Variants in MKKS observed in about 807,000 individuals in gnomAD.
The protein encoded by MKKS is molecular chaperone MKKS.
In MKKS, 29 loss-of-function variants were observed where a neutral mutation model predicts 33.2. The observed-to-expected ratio is 0.87, with a 90% CI of 0.65 to 1.19. The LOEUF (loss-of-function observed/expected upper bound fraction) is 1.19, where lower values mean the gene tolerates loss of function less well. MKKS is among the 50% of genes most tolerant of loss of function. The pLI is 0.00. For synonymous variants in MKKS, 260 were observed against 244.0 expected, an observed-to-expected ratio of 1.07 and a Z score of -0.61; for missense variants, 661 against 662.3, an observed-to-expected ratio of 1.00 and a Z score of 0.02.
At chr20:10,405,716 C>T in intron 5 of MKKS, 29 bp from the exon 6 acceptor site, 3 of 1,527,968 alleles carry the variant, frequency 2.0e-6, no homozygotes, top group Non-Finnish European at 2.7e-6. Flanking sequence ...ATTGAAAACA[C>T]ATACAAAGCA....
intron 1 of MKKS, among the ~76,000 whole-genome samples, chr20:10,426,242 T>G (rs2065013707): frequency 6.6e-6 from 1 of 152,246 alleles, no homozygotes; most frequent in South Asian, 2.1e-4. Context: ...CCTAGTACTC[T>G]ACTAAGCAAT....
Position 10,412,724 on chromosome 20 carries a change from T to C in MKKS, c.791A>G (p.Tyr264Cys). ...DTGEGTVVVS[Y>C]GVSLENAVLD... Reference sequence around the variant, plus strand: ...GACTGCATTTTCAAGAGAAACCCCATAACTGACCACCACAGTTCCTTCTCC... The same window carrying C: ...GACTGCATTTTCAAGAGAAACCCCACAACTGACCACCACAGTTCCTTCTCC... The change falls in exon 3 of 6, where the codon TAT becomes TGT. Residue 264 changes from tyrosine (Y) to cysteine (C), a missense_variant. Tyr to Cys is a radical substitution (Grantham distance 194). Coordinates refer to ENST00000347364, the MANE Select transcript of MKKS (RefSeq NM_170784.3). 3.7e-6 allele frequency: 6 copies of C among 1,614,170 alleles called. No homozygotes were observed. Among genetic ancestry groups the C allele is most frequent in the South Asian group, 1.1e-5 (1 of 91,090 alleles).
chr20:10,432,129 C>A (rs977470538), intron 1 of MKKS, among the ~76,000 whole-genome samples: 4 of 152,208 alleles, frequency 2.6e-5, no homozygotes, highest in African/African-American at 9.6e-5. Flanking sequence ...TCCAGGGAAA[C>A]AGACATCTAA....
intron 2 of MKKS, among the ~76,000 whole-genome samples, 181 bp from the exon 3 acceptor site, chr20:10,414,112 A>G (rs1214776126): frequency 6.6e-6 from 1 of 152,178 alleles, no homozygotes; most frequent in Non-Finnish European, 1.5e-5. Context: ...TTATTCTTCA[A>G]TAAATCCCCT....
At chr20:10,422,542 A>G (rs1424037169) in intron 1 of MKKS, among the ~76,000 whole-genome samples, 2 of 152,190 alleles carry the variant, frequency 1.3e-5, no homozygotes, top group African/African-American at 4.8e-5. Flanking sequence ...TAGGAGGGAC[A>G]GAGGCTGCAC....
chr20:10,406,576 C>T (rs1452525509), intron 5 of MKKS, among the ~76,000 whole-genome samples: 1 of 152,126 alleles, frequency 6.6e-6, no homozygotes, highest in Non-Finnish European at 1.5e-5. Flanking sequence ...ATATTGTTTG[C>T]ACAACAATAT....
Position 10,415,762 on chromosome 20 carries a change from T to C in MKKS, c.-417-1831A>G, listed in dbSNP as rs551279637. On this transcript the variant is annotated intron_variant, in intron 2 of 5. Coordinates refer to ENST00000347364, the MANE Select transcript of MKKS (RefSeq NM_170784.3). ...TAGTTAGAACATTTTCAATACTTAATAGTGTCATGTAACTTTTCAAAAACA... is the reference window on the plus strand; with the variant it reads ...TAGTTAGAACATTTTCAATACTTAACAGTGTCATGTAACTTTTCAAAAACA... Among the ~76,000 whole-genome samples, 20 of 152,342 alleles carry C rather than the reference T, an allele frequency of 1.3e-4. No homozygotes were observed. The Middle Eastern group carries it at 0.014, about 104-fold the overall frequency.
chr20:10,424,005 G>A (rs2064998194), intron 1 of MKKS, among the ~76,000 whole-genome samples: 1 of 152,180 alleles, frequency 6.6e-6, no homozygotes, highest in South Asian at 2.1e-4. Flanking sequence ...GAGAGAGCAA[G>A]TAACTATTTT....
At chr20:10,424,211 T>G (rs2064999463) in intron 1 of MKKS, among the ~76,000 whole-genome samples, 1 of 151,942 alleles carries the variant, frequency 6.6e-6, no homozygotes, top group Non-Finnish European at 1.5e-5. Flanking sequence ...CATTGGCATA[T>G]AATGAGACCT....
intron 1 of MKKS, among the ~76,000 whole-genome samples, chr20:10,425,122 C>G (rs1487137328): frequency 6.0e-5 from 9 of 150,422 alleles, no homozygotes; most frequent in Admixed American, 3.3e-4. Flanking sequence ...TATAGTATAA[C>G]CTTACTTTTT....
chr20:10,405,098 TCCTAAATAAG>T lies in MKKS; in HGVS notation c.*139_*148del. The T allele has an allele frequency of 1.7e-6, 1 of 586,234 alleles. No individual in the cohort carries two copies. The highest frequency in any genetic ancestry group is 2.9e-6 in the Non-Finnish European group (1 of 346,130). The allele number at this position is 586,234 out of a possible 1,614,324, so 36.3% of individuals were successfully genotyped here. On this transcript the variant is annotated 3_prime_UTR_variant, in exon 6 of 6. Transcript: ENST00000347364. ...ATTTCCATTCACGAATCACCTTTTT[TCCTAAATAAG>T]TGTATCTATAATTTTATGAGTCATT...
At chr20:10,417,602 C>T (rs1289913266) in intron 2 of MKKS, among the ~76,000 whole-genome samples, 2 of 151,976 alleles carry the variant, frequency 1.3e-5, no homozygotes, top group African/African-American at 4.8e-5. Flanking sequence ...AAATCAAGGC[C>T]TGTGCCCAAG....
rs1266122777 is a variant in MKKS at position 10,404,230 on chromosome 20, AC to A, written c.*1016del. On this transcript the variant is annotated 3_prime_UTR_variant, in exon 6 of 6. Transcript: ENST00000347364. ...GGAGATTTTCTACTTTCTTTTTCAT[AC>A]TATTGACTAGAGAAATAACTTCCCC... 6.6e-6 allele frequency: 1 copy of A among 151,188 alleles called. No homozygotes were observed. The highest frequency in any genetic ancestry group is 2.1e-4 in the South Asian group (1 of 4,730). The allele number at this position is 151,188 out of a possible 1,614,324, so 9.4% of individuals were successfully genotyped here.
At position 10,401,072 on chromosome 20, in the gene MKKS, A is replaced by G. The variant is rs780400995; in HGVS notation, c.*4175T>C. The G allele has an allele frequency of 6.6e-6, 1 of 152,134 alleles. No individual in the cohort carries two copies. The highest frequency in any genetic ancestry group is 2.4e-5 in the African/African-American group (1 of 41,430). 9.4% of individuals were successfully genotyped at this position (152,134 alleles called of 1,614,324 possible). A position where few individuals can be genotyped will look rare whatever the true frequency, so the allele number is the denominator to read the frequency against. On this transcript the variant is annotated 3_prime_UTR_variant, in exon 6 of 6. Coordinates refer to ENST00000347364, the MANE Select transcript of MKKS (RefSeq NM_170784.3). ...TCTCAAAGAGAATTTTTAATAGGAG[A>G]TTGTCAAGCTGTTTTATTTCCCTCT... is the stretch of plus-strand genomic sequence containing the variant.
chr20:10,407,731 GA>G lies in MKKS; in HGVS notation c.1162-6del. On this transcript the variant is annotated splice_polypyrimidine_tract_variant and splice_region_variant and intron_variant, in intron 4 of 5. Coordinates refer to ENST00000347364, the MANE Select transcript of MKKS (RefSeq NM_170784.3). ...CAGTGCCGTCTGACACGTGAGCTAA[GA>G]AAAAACCCAAATCATCAGAATCAGA... The G allele has an allele frequency of 6.2e-7, 1 of 1,608,440 alleles. No homozygotes were observed. The highest frequency in any genetic ancestry group is 8.5e-7 in the Non-Finnish European group (1 of 1,175,430).
At chr20:10,407,530 A>C in intron 5 of MKKS, 86 bp downstream of exon 5, 1 of 1,104,186 alleles carries the variant, frequency 9.1e-7, no homozygotes, top group Non-Finnish European at 1.4e-6. Context: ...CAAAAAGACT[A>C]TAGGATATTA....
In MKKS at chr20:10,402,000, T is replaced by C. The variant is rs2064813682; in HGVS notation, c.*3247A>G. 6.6e-6 allele frequency: 1 copy of C among 152,082 alleles called. No individual in the cohort carries two copies. The highest frequency in any genetic ancestry group is 2.1e-4 in the South Asian group (1 of 4,812). 9.4% of individuals were successfully genotyped at this position (152,082 alleles called of 1,614,324 possible). ...CTTTATTTGCTGTAGCTCTCCACTT[T>C]CTTCCTTGCTGCTAAAATCCTAATG... is the stretch of plus-strand genomic sequence containing the variant. On this transcript the variant is annotated 3_prime_UTR_variant, in exon 6 of 6. Transcript: ENST00000347364.
At chr20:10,429,903 G>T (rs1168149702) in intron 1 of MKKS, among the ~76,000 whole-genome samples, 3 of 152,172 alleles carry the variant, frequency 2.0e-5, no homozygotes, top group Non-Finnish European at 2.9e-5. Flanking sequence ...AAACTCTAGG[G>T]TGGGGTCCAG....
intron 3 of MKKS, among the ~76,000 whole-genome samples, chr20:10,410,778 G>T (rs2064878630): frequency 6.6e-6 from 1 of 152,144 alleles, no homozygotes; most frequent in Non-Finnish European, 1.5e-5. Context: ...TACCAGGGGA[G>T]ATAGGTAAGG....
Sources: gnomAD v4.1 joint callset for allele counts (sites outside exome capture counted in the v4.1 genomes callset) on GRCh38, gnomAD v4.1.1 for gene constraint, MANE v1.5 for transcripts, NCBI Gene and HGNC (gene_info 2026-07-23, HGNC 2026-07-21) for gene names.